The following MRPL27 variants were observed in gnomAD, a reference collection of about 807,000 sequenced individuals.
The protein encoded by MRPL27 is mitochondrial ribosomal protein L27.
Under a neutral mutation model 14.6 loss-of-function variants are expected in MRPL27, and 4 were observed. That is an observed-to-expected ratio of 0.27 (90% CI 0.14 to 0.63). The LOEUF (loss-of-function observed/expected upper bound fraction) is 0.63, where lower values mean the gene tolerates loss of function less well. Among genes scored for constraint, MRPL27 ranks in the 20% least tolerant of loss-of-function variants. The pLI is 0.85. For missense variants in MRPL27, 196 were observed against 192.8 expected, an observed-to-expected ratio of 1.02 and a Z score of -0.10; for synonymous variants, 82 against 75.5, an observed-to-expected ratio of 1.09 and a Z score of -0.45.
At chr17:50,369,800 T>C in intron 3 of MRPL27, 1 of 589,520 alleles carries the variant, frequency 1.7e-6, no homozygotes, top group Non-Finnish European at 3.0e-6. Context: ...TAGGCAGACC[T>C]GGTGCAAATC....
chr17:50,368,497 A>G (rs1567811755), intron 3 of MRPL27, 199 bp from the exon 4 acceptor site: 1 of 623,494 alleles, frequency 1.6e-6, no homozygotes, highest in Non-Finnish European at 2.8e-6. Flanking sequence ...AATGAGGGAA[A>G]AGAAAGCTCC....
chr17:50,370,486 T>C lies in MRPL27; in HGVS notation c.141A>G (p.Ser47=). Residue 47 remains serine (S), a synonymous_variant, in exon 2 of 4, where the codon TCA becomes TCG. Transcript: ENST00000225969. ...TTTTCTTAATGCCTTGGCGTCTGCCTGATGACTTTCCACCGAGGTTTTTGG... is the reference window on the plus strand; with the variant it reads ...TTTTCTTAATGCCTTGGCGTCTGCCCGATGACTTTCCACCGAGGTTTTTGG... The part of the protein sequence containing the change: ...GSSKNLGGKS[S]GRRQGIKKME... The C allele has an allele frequency of 6.2e-7, 1 of 1,614,246 alleles. No homozygotes were observed. The highest frequency in any genetic ancestry group is 8.5e-7 in the Non-Finnish European group (1 of 1,180,052).
chr17:50,369,897 G>A (rs1381304971), intron 3 of MRPL27, 135 bp downstream of exon 3: 9 of 974,518 alleles, frequency 9.2e-6, no homozygotes, highest in South Asian at 4.2e-5. Flanking sequence ...AAATGAGATC[G>A]TGTAGGCATG....
intron 1 of MRPL27, 42 bp downstream of exon 1, chr17:50,373,065 CCCTCCCTGCTGGAGCTCCACTCTG>C (rs1181119174): frequency 2.5e-6 from 4 of 1,606,820 alleles, no homozygotes; most frequent in Non-Finnish European, 2.6e-6. Flanking sequence ...TCACCTCCTT[CCCTCCCTGCTGGAGCTCCACTCTG>C]CCTCCCCGCC....
At position 50,368,313 on chromosome 17, in the gene MRPL27, C is replaced by T; in HGVS notation, c.241-15G>A. On this transcript the variant is annotated splice_polypyrimidine_tract_variant and intron_variant, in intron 3 of 3. Transcript: ENST00000225969. ...CCAACACCCACCTGCAACACACAGACCTGGTCAGCTGGTCAGCTGGTCAGC... is the reference window on the plus strand; with the variant it reads ...CCAACACCCACCTGCAACACACAGATCTGGTCAGCTGGTCAGCTGGTCAGC... 6.2e-7 allele frequency: 1 copy of T among 1,605,116 alleles called. No individual in the cohort carries two copies. The highest frequency in any genetic ancestry group is 8.5e-7 in the Non-Finnish European group (1 of 1,174,834).
chr17:50,370,660 T>TA, intron 1 of MRPL27, 74 bp from the exon 2 acceptor site: 1 of 1,598,174 alleles, frequency 6.3e-7, no homozygotes, highest in Non-Finnish European at 8.6e-7. Context: ...CACATGCTGA[T>TA]ACGTGAGAGG....
chr17:50,369,131 C>T (rs1472839659), intron 3 of MRPL27: 1 of 464,252 alleles, frequency 2.2e-6, no homozygotes, highest in East Asian at 3.5e-5. Context: ...TTTCGTCTGT[C>T]AAATGGGGAT....
chr17:50,372,964 G>T, intron 1 of MRPL27, 167 bp downstream of exon 1: 1 of 907,880 alleles, frequency 1.1e-6, no homozygotes, highest in Non-Finnish European at 1.7e-6. Context: ...CTCCACCCAG[G>T]ATGTGTCACG....
At chr17:50,372,103 C>A (rs1047980390) in intron 1 of MRPL27, among the ~76,000 whole-genome samples, 1 of 152,198 alleles carries the variant, frequency 6.6e-6, no homozygotes, top group Non-Finnish European at 1.5e-5. Flanking sequence ...AGGGCTATTA[C>A]GACTTTCCAT....
In MRPL27 at chr17:50,370,555, T is replaced by G. The variant is rs772995117; in HGVS notation, c.72A>C (p.Thr24=). 6.2e-7 allele frequency: 1 copy of G among 1,614,176 alleles called. No individual in the cohort carries two copies. The highest frequency in any genetic ancestry group is 1.1e-5 in the South Asian group (1 of 91,084). The change falls in exon 2 of 4, where the codon ACA becomes ACC. Residue 24 remains threonine, a synonymous_variant. Coordinates refer to ENST00000225969, the MANE Select transcript of MRPL27 (RefSeq NM_016504.3). ...VTSLLSPTPA[T]ALAVRYASKK... ...TGGATGCGTATCTGACAGCAAGAGC[T>G]GTAGCCGGAGTGGGGCTTAGCAAGG...
chr17:50,370,187 C>A, intron 2 of MRPL27, 88 bp from the exon 3 acceptor site: 2 of 1,399,878 alleles, frequency 1.4e-6, no homozygotes, highest in Non-Finnish European at 2.0e-6. Flanking sequence ...AACCTCCAAG[C>A]CTGCCCCTGG....
chr17:50,372,706 C>T (rs1913207849), intron 1 of MRPL27, among the ~76,000 whole-genome samples: 3 of 152,214 alleles, frequency 2.0e-5, no homozygotes, highest in South Asian at 4.1e-4. Context: ...CCAGAGAGAA[C>T]CGTTCGGGGG....
intron 3 of MRPL27, chr17:50,369,002 A>C (rs1598356921): frequency 1.6e-6 from 1 of 636,992 alleles, no homozygotes; most frequent in East Asian, 2.8e-5. Context: ...GTCCAGCATT[A>C]TTCTCTGTCT....
Position 50,369,181 on chromosome 17 carries a change from C to T in MRPL27, c.240+851G>A, listed in dbSNP as rs1479088312. On this transcript the variant is annotated intron_variant, in intron 3 of 3. Transcript: ENST00000225969. The stretch of plus-strand genomic sequence containing the variant: ...TACAGGGTCATTTTGAGGATTAATG[C>T]TCAACAATCATAAAGGGCCTAGAAT... The T allele has an allele frequency of 1.5e-5, 5 of 336,466 alleles. No homozygotes were observed. The East Asian group carries it at 2.7e-4, about 18-fold the overall frequency. The allele number at this position is 336,466 out of a possible 1,614,324, so 20.8% of individuals were successfully genotyped here.
At position 50,367,972 on chromosome 17, in the gene MRPL27, G is replaced by A; in HGVS notation, c.*120C>T. The stretch of plus-strand genomic sequence containing the variant: ...CAGTCACTTCAGAGTCTCCTGCAGA[G>A]TCACCATCAAGCAGACCTCTTCCTC... On this transcript the variant is annotated 3_prime_UTR_variant, in exon 4 of 4. Coordinates refer to ENST00000225969, the MANE Select transcript of MRPL27 (RefSeq NM_016504.3). The A allele has an allele frequency of 9.2e-7, 1 of 1,083,856 alleles. No individual in the cohort carries two copies. Among genetic ancestry groups the A allele is most frequent in the Non-Finnish European group, 1.3e-6 (1 of 743,992 alleles). The allele number at this position is 1,083,856 out of a possible 1,614,324, so 67.1% of individuals were successfully genotyped here.
rs535692943 is a variant in MRPL27, at chr17:50,368,365, A to G, written c.241-67T>C. ...AGGTGGTCCGTCCCAGAATTTTGGG[A>G]CAGACTTCTCACACAGAGCCGGGCC... On this transcript the variant is annotated intron_variant, in intron 3 of 3. Transcript: ENST00000225969. 3.0e-5 allele frequency: 46 copies of G among 1,525,272 alleles called. No homozygotes were observed. The African/African-American group carries it at 5.5e-4, about 18-fold the overall frequency. The allele number at this position is 1,525,272 out of a possible 1,614,324, so 94.5% of individuals were successfully genotyped here. A position where few individuals can be genotyped will look rare whatever the true frequency, so the allele number is the denominator to read the frequency against.
In MRPL27 at chr17:50,367,923, C is replaced by T; in HGVS notation, c.*169G>A. The T allele has an allele frequency of 1.4e-6, 1 of 704,446 alleles. No individual in the cohort carries two copies. The highest frequency in any genetic ancestry group is 2.9e-5 in the Admixed American group (1 of 34,406). 43.6% of individuals were successfully genotyped at this position (704,446 alleles called of 1,614,324 possible). A position where few individuals can be genotyped will look rare whatever the true frequency, so the allele number is the denominator to read the frequency against. Reference sequence around the variant, plus strand: ...GCTCACTTTATTTTTGGCCCCAGGTCAGGTCTCCCAAAGGGTTTCCCAGCA... The same window carrying T: ...GCTCACTTTATTTTTGGCCCCAGGTTAGGTCTCCCAAAGGGTTTCCCAGCA... On this transcript the variant is annotated 3_prime_UTR_variant, in exon 4 of 4. Coordinates refer to ENST00000225969, the MANE Select transcript of MRPL27 (RefSeq NM_016504.3).
At chr17:50,369,218 C>T in intron 3 of MRPL27, 1 of 245,646 alleles carries the variant, frequency 4.1e-6, no homozygotes, top group South Asian at 1.0e-4. Flanking sequence ...CTGTCTAGCT[C>T]AAAATGTGTT....
Position 50,367,912 on chromosome 17 carries a change from TG to T in MRPL27, c.*179del. ...TCATGACGCTGGCTCACTTTATTTT[TG>T]GCCCCAGGTCAGGTCTCCCAAAGGG... is the stretch of plus-strand genomic sequence containing the variant. On this transcript the variant is annotated 3_prime_UTR_variant, in exon 4 of 4. Coordinates refer to ENST00000225969, the MANE Select transcript of MRPL27 (RefSeq NM_016504.3). The T allele has an allele frequency of 1.6e-6, 1 of 643,496 alleles. No homozygotes were observed. Among genetic ancestry groups the T allele is most frequent in the Admixed American group, 2.9e-5 (1 of 34,082 alleles). 39.9% of individuals were successfully genotyped at this position (643,496 alleles called of 1,614,324 possible).
Sources: allele counts gnomAD v4.1 joint callset (sites outside exome capture counted in the v4.1 genomes callset), GRCh38; gene constraint gnomAD v4.1.1; transcripts MANE v1.5; gene names NCBI Gene and HGNC (gene_info 2026-07-23, HGNC 2026-07-21).